ANO1: variants seen among roughly 807,000 people sequenced by gnomAD.
ANO1 encodes the protein anoctamin 1.
Under a neutral mutation model 124.0 loss-of-function variants are expected in ANO1, and 59 were observed. The ratio of observed to expected loss-of-function variants is 0.48; its 90% confidence interval spans 0.39 to 0.59. The LOEUF is 0.59. Ranked by LOEUF, ANO1 falls within the 20% of genes least tolerant of loss-of-function variation. ANO1 has a pLI of 0.00. For synonymous variants in ANO1, 529 were observed against 532.0 expected, an observed-to-expected ratio of 0.99 and a Z score of 0.08; for missense variants, 1,059 against 1,328.0, an observed-to-expected ratio of 0.80 and a Z score of 3.15.
chr11:70,123,763 C>T (rs190627304), intron 8 of ANO1, among the ~76,000 whole-genome samples: 3 of 152,302 alleles, frequency 2.0e-5, no homozygotes, highest in East Asian at 1.9e-4. Flanking sequence ...CCCACATGCG[C>T]GGGTTTATTT....
At chr11:70,042,657 C>A (rs552456265) in intron 1 of ANO1, among the ~76,000 whole-genome samples, 4 of 152,172 alleles carry the variant, frequency 2.6e-5, no homozygotes, top group African/African-American at 7.2e-5. Context: ...AGGGAAAGAA[C>A]CACCAGAAGA....
At chr11:70,040,724 G>A (rs554774528) in intron 1 of ANO1, among the ~76,000 whole-genome samples, 14 of 152,234 alleles carry the variant, frequency 9.2e-5, no homozygotes, top group East Asian at 5.8e-4. Context: ...TTCAGAGCCC[G>A]GTCGAAGGAC....
At chr11:70,134,163 C>G (rs554185192) in intron 11 of ANO1, among the ~76,000 whole-genome samples, 1 of 152,210 alleles carries the variant, frequency 6.6e-6, no homozygotes, top group Non-Finnish European at 1.5e-5. Context: ...CCGCTGTGTG[C>G]GCAGCTGGAA....
the ANO1 span, among the ~76,000 whole-genome samples, chr11:69,972,710 G>A: frequency 1.6e-4 from 24 of 152,138 alleles, no homozygotes; most frequent in Middle Eastern, 3.4e-3. Flanking sequence ...TACCCTGACA[G>A]CACGCCTCAG....
intron 1 of ANO1, among the ~76,000 whole-genome samples, chr11:70,019,293 C>T (rs1440442900): frequency 6.7e-6 from 1 of 149,940 alleles, no homozygotes; most frequent in Non-Finnish European, 1.5e-5. Flanking sequence ...ACTCACAACC[C>T]ACGCTACACA....
At chr11:70,113,643 G>C (rs2045874158) in intron 7 of ANO1, among the ~76,000 whole-genome samples, 1 of 152,132 alleles carries the variant, frequency 6.6e-6, no homozygotes, top group African/African-American at 2.4e-5. Flanking sequence ...CCTTTAAGCA[G>C]GTAATCCCTG....
Position 70,045,640 on chromosome 11 carries a change from AT to A in ANO1, c.59-32891del, listed in dbSNP as rs371038072. On this transcript the variant is annotated intron_variant, in intron 1 of 27. Coordinates refer to the ANO1 transcript ENST00000531349. ...AGGCTGGACATGACTCATACAACTG[AT>A]TTTTTTTTTTCCGTATCATATGGGA... 9.1e-4 allele frequency among the ~76,000 whole-genome samples: 135 copies of A among 147,990 alleles called. No homozygotes were observed. In the South Asian group the frequency reaches 0.011, roughly 12 times the overall value.
intron 21 of ANO1, chr11:70,170,239 T>C (rs57900749): frequency 0.12 from 51,811 of 448,412 alleles, 3,279 homozygotes; most frequent in Middle Eastern, 0.14. Context: ...CTTCCCAGCA[T>C]GGGCAGGGGG....
intron 1 of ANO1, among the ~76,000 whole-genome samples, chr11:69,993,461 T>G (rs1430234548): frequency 6.6e-6 from 1 of 152,180 alleles, no homozygotes; most frequent in Non-Finnish European, 1.5e-5. Flanking sequence ...GACTGGGAAT[T>G]CAGGGGAAAA....
intron 1 of ANO1, among the ~76,000 whole-genome samples, chr11:70,067,128 C>G (rs559966344): frequency 1.3e-3 from 202 of 152,320 alleles, no homozygotes; most frequent in African/African-American, 4.6e-3. Flanking sequence ...GGGCCCCCCA[C>G]AGAGCAAGGT....
intron 1 of ANO1, among the ~76,000 whole-genome samples, chr11:70,008,807 G>T (rs1040016030): frequency 2.0e-5 from 3 of 152,138 alleles, no homozygotes; most frequent in Admixed American, 6.5e-5. Flanking sequence ...CATCCAGAAT[G>T]CTGTCCAGGT....
At chr11:70,126,689 G>A (rs572286257) in intron 10 of ANO1, among the ~76,000 whole-genome samples, 1 of 152,114 alleles carries the variant, frequency 6.6e-6, no homozygotes, top group East Asian at 1.9e-4. Context: ...GTACTTGCGG[G>A]AGGTGAGACA....
intron 1 of ANO1, among the ~76,000 whole-genome samples, chr11:70,046,033 T>C (rs763584284): frequency 6.6e-5 from 10 of 152,188 alleles, no homozygotes; most frequent in Non-Finnish European, 1.5e-4. Flanking sequence ...ACTGGGACTC[T>C]GTCCTTGAGT....
intron 1 of ANO1, among the ~76,000 whole-genome samples, chr11:70,063,211 G>A (rs1370544837): frequency 6.6e-6 from 1 of 152,218 alleles, no homozygotes; most frequent in Admixed American, 6.5e-5. Flanking sequence ...GAGCCACCGC[G>A]CCCAGCCGAT....
chr11:70,002,249 ACCTGCCCAATATGGGACCAG>A (rs1231849219), intron 1 of ANO1, among the ~76,000 whole-genome samples: 1 of 152,036 alleles, frequency 6.6e-6, no homozygotes, highest in Non-Finnish European at 1.5e-5. Flanking sequence ...AGGATCCCAA[ACCTGCCCAATATGGGACCAG>A]CCTGCCCAAT....
chr11:70,095,087 T>G (rs1565192675), intron 2 of ANO1, among the ~76,000 whole-genome samples: 2 of 151,792 alleles, frequency 1.3e-5, no homozygotes, highest in East Asian at 3.9e-4. Flanking sequence ...GCGCCTGTAG[T>G]CCGAGCTACT....
chr11:70,181,462 G>A (rs546276991), intron 23 of ANO1, among the ~76,000 whole-genome samples: 2 of 152,344 alleles, frequency 1.3e-5, no homozygotes, highest in East Asian at 1.9e-4. Flanking sequence ...TGTGCACACC[G>A]GGATGGCCCC....
intron 15 of ANO1, among the ~76,000 whole-genome samples, 192 bp from the exon 16 acceptor site, chr11:70,156,755 G>A (rs1468224908): frequency 5.3e-5 from 8 of 152,308 alleles, no homozygotes; most frequent in African/African-American, 9.6e-5. Flanking sequence ...GATAAACCCC[G>A]AAATGCTTCT....
At chr11:70,073,989 TGACA>T (rs1205667389), upstream of ANO1, among the ~76,000 whole-genome samples, 3 of 151,912 alleles carry the variant, frequency 2.0e-5, no homozygotes, top group East Asian at 5.8e-4. Flanking sequence ...GGGAAGGAAA[TGACA>T]GTGGTCCCGT....
Sources: gnomAD v4.1 joint callset for allele counts (sites outside exome capture counted in the v4.1 genomes callset) on GRCh38, gnomAD v4.1.1 for gene constraint, MANE v1.5 for transcripts, NCBI Gene and HGNC (gene_info 2026-07-23, HGNC 2026-07-21) for gene names.